CALCR: variants seen among roughly 807,000 people sequenced by gnomAD.
CALCR encodes calcitonin receptor.
A neutral mutation model predicts 59.5 loss-of-function variants in CALCR; 47 were observed. The observed-to-expected ratio is 0.79, with a 90% CI of 0.63 to 1.01. The LOEUF (loss-of-function observed/expected upper bound fraction) is 1.01, where lower values mean the gene tolerates loss of function less well. Ranked by LOEUF, CALCR falls within the 50% of genes least tolerant of loss-of-function variation. CALCR has a pLI of 0.00. For synonymous variants in CALCR, 213 were observed against 211.3 expected (o/e 1.01, Z -0.07); for missense variants, 566 against 597.1 (o/e 0.95, Z 0.54).
Position 93,477,656 on chromosome 7 carries a change from T to C in CALCR, c.218A>G (p.Asn73Ser), listed in dbSNP as rs763902085. 9 of 1,606,246 alleles carry C rather than the reference T, an allele frequency of 5.6e-6. No homozygotes were observed. The highest frequency in any genetic ancestry group is 1.7e-4 in the Middle Eastern group (1 of 6,032). The change falls in exon 5 of 14, where the codon AAT (asparagine) becomes AGT (serine). Residue 73 changes from asparagine to serine, a missense_variant. Coordinates refer to ENST00000426151, the MANE Select transcript of CALCR (RefSeq NM_001742.4). ...PAYQGEGPYC[N>S]RTWDGWLCWD... is the part of the protein sequence containing the mutation. Reference sequence around the variant, plus strand: ...GCACAGCCATCCATCCCAGGTGCGATTGCAATATGGACCTGGCCATTTAGA... The same window carrying C: ...GCACAGCCATCCATCCCAGGTGCGACTGCAATATGGACCTGGCCATTTAGA...
At chr7:93,436,591 T>C (rs1484328206) in intron 11 of CALCR, among the ~76,000 whole-genome samples, 1 of 152,126 alleles carries the variant, frequency 6.6e-6, no homozygotes, top group African/African-American at 2.4e-5. Flanking sequence ...GACTCTAAGT[T>C]TTGTCTTTTC....
intron 2 of CALCR, among the ~76,000 whole-genome samples, chr7:93,542,214 A>G (rs891714313): frequency 1.3e-5 from 2 of 152,188 alleles, no homozygotes; most frequent in Admixed American, 6.5e-5. Context: ...CCTAGGTGAT[A>G]TAGCTTACTA....
intron 2 of CALCR, among the ~76,000 whole-genome samples, chr7:93,494,008 A>C (rs1801142551): frequency 6.6e-6 from 1 of 151,414 alleles, no homozygotes; most frequent in Admixed American, 6.6e-5. Flanking sequence ...TTAAATTCCT[A>C]AAGGTGACTG....
intron 13 of CALCR, among the ~76,000 whole-genome samples, chr7:93,432,267 C>T (rs533473160): frequency 6.6e-6 from 1 of 152,234 alleles, no homozygotes; most frequent in East Asian, 1.9e-4. Flanking sequence ...GTTGAGTTAG[C>T]CCCCTAGATT....
Position 93,426,500 on chromosome 7 carries a change from G to A in CALCR, c.1281C>T (p.Arg427=), listed in dbSNP as rs747610842. ...WGRRPSNRSA[R]AAAAAAEAGD... is the part of the protein sequence containing the mutation. ...CAGCCTCCGCAGCAGCGGCTGCAGC[G>A]CGAGCAGAGCGGTTGGAGGGGCGCC... The change falls in exon 14 of 14, where the codon CGC becomes CGT. Residue 427 remains arginine (R), a synonymous_variant. Transcript: ENST00000426151. 7 of 1,613,694 alleles carry A rather than the reference G, an allele frequency of 4.3e-6. No individual in the cohort carries two copies. Among genetic ancestry groups the A allele is most frequent in the Non-Finnish European group, 5.9e-6 (7 of 1,179,752 alleles).
In CALCR at chr7:93,503,260, T is replaced by C. The variant is rs142917498; in HGVS notation, c.-26-16253A>G. On this transcript the variant is annotated intron_variant, in intron 2 of 13. Transcript: ENST00000426151. ...CTGTTCTCAGGGCAGAGGATGGTCC[T>C]GCCAGGGGAGCAACGCTTTGCTCAG... Among the ~76,000 whole-genome samples the C allele has an allele frequency of 2.8e-3, 421 of 152,254 alleles. 4 individuals are homozygous for C. Among genetic ancestry groups the C allele is most frequent in the African/African-American group, 9.0e-3 (376 of 41,572 alleles).
At chr7:93,534,155 A>G (rs73221772) in intron 2 of CALCR, among the ~76,000 whole-genome samples, 3,470 of 151,984 alleles carry the variant, frequency 0.023, 67 homozygotes, top group Non-Finnish European at 0.03. Flanking sequence ...AACATGATTT[A>G]CTATCCGTGT....
At chr7:93,487,695 G>C (rs572779151) in intron 2 of CALCR, among the ~76,000 whole-genome samples, 3 of 151,582 alleles carry the variant, frequency 2.0e-5, no homozygotes, top group Middle Eastern at 3.4e-3. Flanking sequence ...GGGTTAAACA[G>C]TTGAAAAATA....
In CALCR at chr7:93,533,973, T is replaced by C. The variant is rs7803892; in HGVS notation, c.-27+40316A>G. On this transcript the variant is annotated intron_variant, in intron 2 of 13. Coordinates refer to ENST00000426151, the MANE Select transcript of CALCR (RefSeq NM_001742.4). ...GACCATCTCTTTATCCCACATTTTATAGTAGAAAACAGACCACCATTGGTT... is the reference window on the plus strand; with the variant it reads ...GACCATCTCTTTATCCCACATTTTACAGTAGAAAACAGACCACCATTGGTT... Among the ~76,000 whole-genome samples the C allele has an allele frequency of 4.8e-3, 736 of 151,894 alleles. 3 individuals carry two copies. Among genetic ancestry groups the C allele is most frequent in the African/African-American group, 0.017 (720 of 41,526 alleles).
chr7:93,519,342 G>A (rs1396512098), intron 2 of CALCR, among the ~76,000 whole-genome samples: 1 of 151,962 alleles, frequency 6.6e-6, no homozygotes, highest in African/African-American at 2.4e-5. Flanking sequence ...ATAGAGTAGT[G>A]ATTCTAGGAT....
chr7:93,539,906 T>C (rs1185610334), intron 2 of CALCR, among the ~76,000 whole-genome samples: 1 of 152,136 alleles, frequency 6.6e-6, no homozygotes, highest in East Asian at 1.9e-4. Context: ...CCGTCCACTG[T>C]TGAAGATACT....
At chr7:93,511,077 CTCTT>C (rs1474208212) in intron 2 of CALCR, among the ~76,000 whole-genome samples, 1 of 145,138 alleles carries the variant, frequency 6.9e-6, no homozygotes, top group Non-Finnish European at 1.5e-5. Context: ...AACCCTCTCT[CTCTT>C]TCTCTCTCTC....
chr7:93,426,949 C>T (rs1799544331), intron 13 of CALCR, among the ~76,000 whole-genome samples: 1 of 152,158 alleles, frequency 6.6e-6, no homozygotes, highest in East Asian at 1.9e-4. Flanking sequence ...ATGCTACCAT[C>T]CCTGATAAGG....
intron 2 of CALCR, among the ~76,000 whole-genome samples, chr7:93,571,731 G>A (rs536869628): frequency 1.1e-4 from 16 of 152,132 alleles, no homozygotes; most frequent in Middle Eastern, 6.8e-3. Flanking sequence ...TACTTGGTTC[G>A]TGGCTTTGAG....
At chr7:93,533,992 A>G (rs1788918348) in intron 2 of CALCR, among the ~76,000 whole-genome samples, 1 of 151,786 alleles carries the variant, frequency 6.6e-6, no homozygotes, top group Non-Finnish European at 1.5e-5. Context: ...ACAGACCACC[A>G]TTGGTTAATA....
intron 2 of CALCR, chr7:93,495,806 G>T: frequency 1.9e-6 from 2 of 1,073,362 alleles, no homozygotes; most frequent in East Asian, 2.7e-5. Flanking sequence ...TGTTGTGGCT[G>T]ATTTAGAACA....
chr7:93,504,919 T>C lies in CALCR; in HGVS notation c.-26-17912A>G, dbSNP rs1042858400. 1.5e-4 allele frequency among the ~76,000 whole-genome samples: 23 copies of C among 152,270 alleles called. No homozygotes were observed. In the East Asian group the frequency reaches 3.5e-3, roughly 23 times the overall value. ...TCTTAGGGGTGCAGCAATATTTCCA[T>C]GTGGTATCTCACCTCCTCTCTGAAG... On this transcript the variant is annotated intron_variant, in intron 2 of 13. Transcript: ENST00000426151.
At chr7:93,490,543 G>A (rs1185427739) in intron 2 of CALCR, among the ~76,000 whole-genome samples, 1 of 151,902 alleles carries the variant, frequency 6.6e-6, no homozygotes, top group Non-Finnish European at 1.5e-5. Flanking sequence ...AAGCTGAGAA[G>A]TAACTTCAGC....
At chr7:93,536,854 A>G (rs1344274446) in intron 2 of CALCR, among the ~76,000 whole-genome samples, 1 of 151,852 alleles carries the variant, frequency 6.6e-6, no homozygotes, top group Non-Finnish European at 1.5e-5. Flanking sequence ...ATGGTATTAT[A>G]TCACTGTTAA....
Sources: gnomAD v4.1 joint callset for allele counts (sites outside exome capture counted in the v4.1 genomes callset) on GRCh38, gnomAD v4.1.1 for gene constraint, MANE v1.5 for transcripts, NCBI Gene and HGNC (gene_info 2026-07-23, HGNC 2026-07-21) for gene names.